FRY: variants seen among roughly 807,000 people sequenced by gnomAD.
FRY encodes protein furry homolog.
A neutral mutation model predicts 348.4 loss-of-function variants in FRY; 128 were observed. That is an observed-to-expected ratio of 0.37 (90% CI 0.32 to 0.43). FRY has a LOEUF of 0.43. Among genes scored for constraint, FRY ranks in the 20% least tolerant of loss-of-function variants. The pLI, the probability that FRY is intolerant of heterozygous loss-of-function variation, is 1.00. For synonymous variants in FRY, 1,370 were observed against 1,374.7 expected (o/e 1.00, Z 0.08); for missense variants, 2,736 against 3,695.2 (o/e 0.74, Z 6.73).
chr13:32,075,299 A>T (rs1874975131), intron 1 of FRY, among the ~76,000 whole-genome samples: 1 of 152,232 alleles, frequency 6.6e-6, no homozygotes, highest in South Asian at 2.1e-4. Flanking sequence ...CATAATGAAC[A>T]TAAATTGTGA....
At chr13:32,066,226 A>G (rs1418674719) in intron 1 of FRY, among the ~76,000 whole-genome samples, 1 of 152,200 alleles carries the variant, frequency 6.6e-6, no homozygotes, top group African/African-American at 2.4e-5. Flanking sequence ...GAACGAACCT[A>G]CTTCTGGATT....
rs2072080771 is a variant in FRY at position 32,297,450 on chromosome 13, A to G, written c.*1990A>G. On this transcript the variant is annotated 3_prime_UTR_variant, in exon 61 of 61. Coordinates refer to ENST00000542859, the MANE Select transcript of FRY (RefSeq NM_023037.3). ...TTCGTCATGAACTGAGTTTTCTACC[A>G]TGGCTTCTTACCCAGCAGAGAACCA... 6.6e-6 allele frequency: 1 copy of G among 152,098 alleles called. No individual in the cohort carries two copies. The highest frequency in any genetic ancestry group is 2.1e-4 in the South Asian group (1 of 4,814). 9.4% of individuals were successfully genotyped at this position (152,098 alleles called of 1,614,324 possible). A position where few individuals can be genotyped will look rare whatever the true frequency, so the allele number is the denominator to read the frequency against.
intron 28 of FRY, among the ~76,000 whole-genome samples, chr13:32,191,321 C>A (rs865860999): frequency 6.6e-6 from 1 of 152,252 alleles, no homozygotes; most frequent in Middle Eastern, 3.4e-3. Context: ...CTTTTATTCA[C>A]CAAAAGACAC....
chr13:32,134,942 T>C lies in FRY; in HGVS notation c.924T>C (p.Asp308=). ...AHYFLEVKDK[D]IKHALAGLFV... The stretch of plus-strand genomic sequence containing the variant: ...ACTTCCTCGAGGTCAAAGACAAAGA[T>C]ATCAAGCATGCCTTGGCTGGGCTTT... Residue 308 remains aspartate, a synonymous_variant, in exon 9 of 61, where the codon GAT becomes GAC. Coordinates refer to ENST00000542859, the MANE Select transcript of FRY (RefSeq NM_023037.3). The C allele has an allele frequency of 6.2e-7, 1 of 1,613,460 alleles. No individual in the cohort carries two copies. Among genetic ancestry groups the C allele is most frequent in the African/African-American group, 1.3e-5 (1 of 75,050 alleles).
intron 20 of FRY, among the ~76,000 whole-genome samples, chr13:32,175,969 C>T (rs1882334125): frequency 6.6e-6 from 1 of 152,148 alleles, no homozygotes; most frequent in Non-Finnish European, 1.5e-5. Context: ...TAATATGTAA[C>T]TTCTATTTAT....
chr13:32,031,956 T>A (rs772184437), intron 1 of FRY, 91 bp downstream of exon 1: 47 of 736,618 alleles, frequency 6.4e-5, no homozygotes, highest in Non-Finnish European at 1.1e-4. Context: ...CACATATGTT[T>A]GTGAGCCGCG....
chr13:32,123,658 A>G (rs903086304), intron 4 of FRY, among the ~76,000 whole-genome samples: 1 of 152,206 alleles, frequency 6.6e-6, no homozygotes, highest in Non-Finnish European at 1.5e-5. Context: ...AGGTGGTAGA[A>G]TTGCAGAGTT....
In FRY at chr13:32,117,489, G is replaced by T; in HGVS notation, c.464+16G>T. On this transcript the variant is annotated intron_variant, in intron 4 of 60. Coordinates refer to ENST00000542859, the MANE Select transcript of FRY (RefSeq NM_023037.3). ...AATCAAAAAGGTACATTTCTTTTGT[G>T]TAAGGATCATGGTTTTATTTTGTTT... The T allele has an allele frequency of 6.2e-7, 1 of 1,610,868 alleles. No homozygotes were observed.
At chr13:32,270,742 TC>T (rs1888160480) in intron 55 of FRY, among the ~76,000 whole-genome samples, 2 of 152,138 alleles carry the variant, frequency 1.3e-5, no homozygotes, top group Non-Finnish European at 2.9e-5. Flanking sequence ...CTTTCTCCCT[TC>T]CCCTGGCATC....
chr13:32,054,617 T>C (rs1241398082), intron 1 of FRY, among the ~76,000 whole-genome samples: 4 of 152,148 alleles, frequency 2.6e-5, no homozygotes, highest in Non-Finnish European at 4.4e-5. Flanking sequence ...CTCACACCTG[T>C]AATCCCAGCA....
chr13:32,253,361 G>A (rs555750210), intron 50 of FRY, among the ~76,000 whole-genome samples: 40 of 152,186 alleles, frequency 2.6e-4, no homozygotes, highest in Non-Finnish European at 5.9e-4. Flanking sequence ...CTACTTTTGA[G>A]AGATGTTTAT....
intron 44 of FRY, 92 bp downstream of exon 44, chr13:32,238,078 A>G: frequency 7.1e-7 from 1 of 1,404,830 alleles, no homozygotes. Context: ...ACTGCTTTTA[A>G]CAATTCTGCT....
chr13:32,175,671 G>A (rs745646016), intron 20 of FRY, 39 bp downstream of exon 20: 1 of 1,131,720 alleles, frequency 8.8e-7, no homozygotes, highest in Non-Finnish European at 1.4e-6. Context: ...GCTCTTAAAA[G>A]CTCTGGACCT....
chr13:32,075,092 A>G (rs1210537723), intron 1 of FRY, among the ~76,000 whole-genome samples: 1 of 152,248 alleles, frequency 6.6e-6, no homozygotes, highest in Non-Finnish European at 1.5e-5. Context: ...TTTCAATCAA[A>G]AATAAATTTC....
intron 55 of FRY, among the ~76,000 whole-genome samples, chr13:32,273,358 G>A (rs1888309138): frequency 6.6e-6 from 1 of 151,926 alleles, no homozygotes; most frequent in Non-Finnish European, 1.5e-5. Context: ...GAGTAGCTGG[G>A]ACTACAGGCG....
In FRY at chr13:32,177,044, A is replaced by G. The variant is rs890241757; in HGVS notation, c.2422-1133A>G. 3.9e-5 allele frequency among the ~76,000 whole-genome samples: 6 copies of G among 152,162 alleles called. No individual in the cohort carries two copies. In the East Asian group the frequency reaches 1.2e-3, roughly 29 times the overall value. Reference sequence around the variant, plus strand: ...CCTATTGACCATTGAGGCCACAATTATAACACTCTTACCCATGGGAACTCA... The same window carrying G: ...CCTATTGACCATTGAGGCCACAATTGTAACACTCTTACCCATGGGAACTCA... On this transcript the variant is annotated intron_variant, in intron 20 of 60. Coordinates refer to ENST00000542859, the MANE Select transcript of FRY (RefSeq NM_023037.3).
At chr13:32,153,707 A>T (rs543506578) in intron 14 of FRY, among the ~76,000 whole-genome samples, 8 of 152,238 alleles carry the variant, frequency 5.3e-5, no homozygotes, top group South Asian at 2.1e-4. Context: ...CCTGATTTTT[A>T]AAAAAATAGA....
rs535478969 is a variant in FRY, at chr13:32,184,967, T to C, written c.3147-9T>C. 1 of 1,612,856 alleles carries C rather than the reference T, an allele frequency of 6.2e-7. No individual in the cohort carries two copies. The highest frequency in any genetic ancestry group is 1.7e-5 in the Admixed American group (1 of 60,024). ...GATCATCTAAAAGTTTCATTTTCCT[T>C]TATTCCAGCACAAATGGAGCCCTAG... On this transcript the variant is annotated splice_polypyrimidine_tract_variant and intron_variant, in intron 25 of 60. Transcript: ENST00000542859.
At chr13:32,071,698 C>A (rs968943469) in intron 1 of FRY, among the ~76,000 whole-genome samples, 1 of 151,972 alleles carries the variant, frequency 6.6e-6, no homozygotes, top group South Asian at 2.1e-4. Flanking sequence ...GGAATCCAAA[C>A]GTAGAATGGT....
Sources: gnomAD v4.1 joint callset for allele counts (sites outside exome capture counted in the v4.1 genomes callset) on GRCh38, gnomAD v4.1.1 for gene constraint, MANE v1.5 for transcripts, NCBI Gene and HGNC (gene_info 2026-07-23, HGNC 2026-07-21) for gene names.